The following GRM7 variants were observed in gnomAD, a reference collection of about 807,000 sequenced individuals.
The protein encoded by GRM7 is glutamate metabotropic receptor 7.
A neutral mutation model predicts 84.5 loss-of-function variants in GRM7; 35 were observed. That is an observed-to-expected ratio of 0.41 (90% confidence interval 0.32 to 0.55). The LOEUF (loss-of-function observed/expected upper bound fraction) is 0.55, where lower values mean the gene tolerates loss of function less well. GRM7 is among the 20% of genes least tolerant of loss of function. The probability of loss-of-function intolerance (pLI) is 0.19; values close to 1 mark genes in which losing one functional copy is unlikely to be tolerated. For synonymous variants in GRM7, 487 were observed against 455.1 expected (o/e 1.07, Z -0.89); for missense variants, 1,003 against 1,194.6 (o/e 0.84, Z 2.36).
In GRM7 at chr3:7,002,621, C is replaced by T. The variant is rs146729157; in HGVS notation, c.519+140714C>T. Among the ~76,000 whole-genome samples the T allele has an allele frequency of 2.6e-5, 4 of 152,158 alleles. No individual in the cohort carries two copies. The East Asian group carries it at 7.7e-4, about 29-fold the overall frequency. ...AGAGGCATAAAGAGTTATAACGCTA[C>T]AGTACATTCTTGGTGAGAATGTGAA... On this transcript the variant is annotated intron_variant, in intron 1 of 9. Coordinates refer to ENST00000357716, the MANE Select transcript of GRM7 (RefSeq NM_000844.4).
At chr3:7,369,469 A>G (rs971013196) in intron 4 of GRM7, among the ~76,000 whole-genome samples, 2 of 151,306 alleles carry the variant, frequency 1.3e-5, no homozygotes, top group African/African-American at 4.9e-5. Flanking sequence ...TCCTTTGGCT[A>G]TAACTTTGCC....
intron 4 of GRM7, among the ~76,000 whole-genome samples, chr3:7,403,622 G>GATATATATATATATATATAT (rs59465377): frequency 1.0e-4 from 13 of 126,946 alleles, no homozygotes; most frequent in South Asian, 2.5e-4. Flanking sequence ...GAGTAATTCT[G>GATATATATATATATATATAT]ATATATATAT....
chr3:7,494,085 G>A (rs12632745), intron 7 of GRM7, among the ~76,000 whole-genome samples: 69,955 of 151,758 alleles, frequency 0.46, 16,517 homozygotes, highest in East Asian at 0.72. Flanking sequence ...TTTCTACTTT[G>A]TTGTTACTTA....
intron 2 of GRM7, among the ~76,000 whole-genome samples, chr3:7,254,521 A>G (rs1048216478): frequency 6.6e-6 from 1 of 152,240 alleles, no homozygotes; most frequent in Non-Finnish European, 1.5e-5. Flanking sequence ...CCTCTTTGCT[A>G]GTGGGTCTCT....
intron 8 of GRM7, among the ~76,000 whole-genome samples, chr3:7,638,272 T>C (rs183801284): frequency 6.6e-6 from 1 of 151,680 alleles, no homozygotes. Context: ...CCATAATATA[T>C]AAGGACTGCA....
chr3:7,329,851 A>C (rs942498970), intron 4 of GRM7, among the ~76,000 whole-genome samples: 14 of 152,148 alleles, frequency 9.2e-5, no homozygotes, highest in African/African-American at 3.4e-4. Context: ...ATTTCCTTTT[A>C]AAATGTACTT....
At chr3:7,227,214 G>C (rs1395204429) in intron 2 of GRM7, among the ~76,000 whole-genome samples, 1 of 152,072 alleles carries the variant, frequency 6.6e-6, no homozygotes, top group Admixed American at 6.6e-5. Context: ...GATTACCATT[G>C]ACCATTTGTG....
intron 1 of GRM7, among the ~76,000 whole-genome samples, chr3:7,056,231 T>C (rs1697215016): frequency 6.6e-6 from 1 of 151,960 alleles, no homozygotes. Flanking sequence ...GCAGCCACAG[T>C]TTCTGGAAAA....
At chr3:7,411,980 CCCCTT>C (rs1007152575) in intron 4 of GRM7, among the ~76,000 whole-genome samples, 7 of 151,854 alleles carry the variant, frequency 4.6e-5, no homozygotes, top group Admixed American at 3.9e-4. Flanking sequence ...CCCCTCCCCT[CCCCTT>C]CCCAACATCA....
At chr3:7,338,147 A>G (rs1041268275) in intron 4 of GRM7, among the ~76,000 whole-genome samples, 1 of 140,500 alleles carries the variant, frequency 7.1e-6, no homozygotes, top group Non-Finnish European at 1.5e-5. Context: ...CACACACCCC[A>G]TGGAATACTA....
chr3:7,661,437 T>C (rs1267610746), intron 8 of GRM7, among the ~76,000 whole-genome samples: 2 of 152,156 alleles, frequency 1.3e-5, no homozygotes, highest in Non-Finnish European at 2.9e-5. Flanking sequence ...TTAAAAAAGA[T>C]TGACCATATC....
chr3:7,223,477 G>A (rs558490219), intron 2 of GRM7, among the ~76,000 whole-genome samples: 2 of 151,188 alleles, frequency 1.3e-5, no homozygotes, highest in East Asian at 3.9e-4. Flanking sequence ...AAATCACCAG[G>A]CATAATTTCT....
intron 4 of GRM7, among the ~76,000 whole-genome samples, chr3:7,374,896 T>G (rs113913077): frequency 5.9e-5 from 9 of 152,260 alleles, no homozygotes; most frequent in African/African-American, 2.2e-4. Context: ...GTTTGTGACC[T>G]CATTTGTAAA....
chr3:7,117,562 G>C (rs558782997), intron 1 of GRM7, among the ~76,000 whole-genome samples: 1 of 152,226 alleles, frequency 6.6e-6, no homozygotes, highest in South Asian at 2.1e-4. Flanking sequence ...GGCCCTCCTG[G>C]GTATCAGAAG....
intron 8 of GRM7, among the ~76,000 whole-genome samples, chr3:7,604,730 G>A (rs865944741): frequency 6.6e-6 from 1 of 152,146 alleles, no homozygotes; most frequent in Non-Finnish European, 1.5e-5. Context: ...AGAAAAGGAA[G>A]ACAGATACAT....
intron 1 of GRM7, among the ~76,000 whole-genome samples, chr3:6,913,949 C>T (rs1159253996): frequency 6.6e-6 from 1 of 152,182 alleles, no homozygotes; most frequent in Non-Finnish European, 1.5e-5. Flanking sequence ...CAGGATACTA[C>T]ATACTCCTGT....
intron 7 of GRM7, among the ~76,000 whole-genome samples, chr3:7,501,904 A>C (rs140759787): frequency 1.3e-5 from 2 of 152,302 alleles, no homozygotes; most frequent in African/African-American, 4.8e-5. Context: ...AGCATAAGGG[A>C]TGTCATATAA....
At chr3:7,531,551 G>A (rs1296854976) in intron 7 of GRM7, among the ~76,000 whole-genome samples, 1 of 152,078 alleles carries the variant, frequency 6.6e-6, no homozygotes, top group Non-Finnish European at 1.5e-5. Flanking sequence ...TGTATTCCTA[G>A]GTATTTAATT....
chr3:6,927,489 G>GAA (rs1410519164), intron 1 of GRM7, among the ~76,000 whole-genome samples: 1 of 141,116 alleles, frequency 7.1e-6, no homozygotes, highest in East Asian at 2.0e-4. Flanking sequence ...AAGAAAGAAA[G>GAA]AAAGAAAGAA....
Sources: gnomAD v4.1 joint callset for allele counts (sites outside exome capture counted in the v4.1 genomes callset) on GRCh38, gnomAD v4.1.1 for gene constraint, MANE v1.5 for transcripts, NCBI Gene and HGNC (gene_info 2026-07-23, HGNC 2026-07-21) for gene names.